Variants in AGTPBP1 observed in about 807,000 individuals in gnomAD.
AGTPBP1 encodes ATP/GTP binding carboxypeptidase 1.
Under a neutral mutation model 143.9 loss-of-function variants are expected in AGTPBP1, and 70 were observed. That is an observed-to-expected ratio of 0.49 (90% CI 0.40 to 0.59). The LOEUF (loss-of-function observed/expected upper bound fraction) is 0.59. Ranked by LOEUF, AGTPBP1 falls within the 20% of genes least tolerant of loss-of-function variation. The pLI, the probability that AGTPBP1 is intolerant of heterozygous loss-of-function variation, is 0.00. For synonymous variants in AGTPBP1, 463 were observed against 500.2 expected (o/e 0.93, Z 0.99); for missense variants, 1,229 against 1,464.5 (o/e 0.84, Z 2.62).
intron 11 of AGTPBP1, among the ~76,000 whole-genome samples, chr9:85,650,107 G>A (rs1337025675): frequency 7.2e-6 from 1 of 139,070 alleles, no homozygotes; most frequent in African/African-American, 2.7e-5. Flanking sequence ...TTGAAAGTTT[G>A]GGAGAACTAA....
chr9:85,779,317 A>T, the AGTPBP1 span, among the ~76,000 whole-genome samples: 2 of 151,548 alleles, frequency 1.3e-5, no homozygotes, highest in African/African-American at 4.9e-5. Flanking sequence ...AGGGGAGTTT[A>T]TTATTAACTT....
chr9:85,773,930 A>G, the AGTPBP1 span: 271 of 1,600,662 alleles, frequency 1.7e-4, no homozygotes, highest in Non-Finnish European at 2.3e-4. Context: ...TGGTTCGTGA[A>G]TTAGAATCTG....
chr9:85,628,615 G>A (rs1464470987), intron 14 of AGTPBP1, among the ~76,000 whole-genome samples: 1 of 152,200 alleles, frequency 6.6e-6, no homozygotes, highest in Non-Finnish European at 1.5e-5. Context: ...TGGATCACTC[G>A]ATTCTCAAAT....
At chr9:85,737,682 C>T (rs1823894682) in intron 1 of AGTPBP1, among the ~76,000 whole-genome samples, 1 of 152,186 alleles carries the variant, frequency 6.6e-6, no homozygotes, top group South Asian at 2.1e-4. Context: ...GTTACAATCT[C>T]AGGAATGAGT....
intron 11 of AGTPBP1, among the ~76,000 whole-genome samples, chr9:85,648,683 G>A (rs891202181): frequency 1.5e-4 from 23 of 152,218 alleles, no homozygotes; most frequent in African/African-American, 5.3e-4. Flanking sequence ...GTGGTGGCGG[G>A]CACGTGTAGT....
At chr9:85,681,026 A>G (rs918941172) in intron 4 of AGTPBP1, among the ~76,000 whole-genome samples, 8 of 152,334 alleles carry the variant, frequency 5.3e-5, no homozygotes, top group African/African-American at 1.7e-4. Flanking sequence ...ATATACTTCA[A>G]TAGTCACCTA....
intron 17 of AGTPBP1, among the ~76,000 whole-genome samples, chr9:85,601,759 C>T (rs1301258450): frequency 6.6e-6 from 1 of 152,230 alleles, no homozygotes; most frequent in Non-Finnish European, 1.5e-5. Context: ...TTTAGACCCA[C>T]TAACACCAGT....
intron 14 of AGTPBP1, among the ~76,000 whole-genome samples, chr9:85,630,353 A>G (rs1035708474): frequency 5.3e-5 from 8 of 151,272 alleles, no homozygotes; most frequent in African/African-American, 2.0e-4. Context: ...CCCAGGATCA[A>G]TTTACTTACT....
intron 3 of AGTPBP1, among the ~76,000 whole-genome samples, chr9:85,685,332 C>A (rs905280128): frequency 2.0e-5 from 3 of 150,892 alleles, no homozygotes; most frequent in Non-Finnish European, 4.4e-5. Context: ...AAGCAAAATC[C>A]AAAAAAATAA....
chr9:85,611,517 A>G (rs1290720803), intron 17 of AGTPBP1, among the ~76,000 whole-genome samples: 1 of 150,782 alleles, frequency 6.6e-6, no homozygotes, highest in African/African-American at 2.5e-5. Flanking sequence ...CTGTGTGCCA[A>G]GTAACATTGT....
At chr9:85,566,579 G>A (rs1338404781) in intron 25 of AGTPBP1, among the ~76,000 whole-genome samples, 1 of 148,794 alleles carries the variant, frequency 6.7e-6, no homozygotes, top group African/African-American at 2.5e-5. Context: ...ACACTTTCAG[G>A]TTCCTGTTAT....
At chr9:85,764,157 A>G in the AGTPBP1 span, among the ~76,000 whole-genome samples, 2 of 152,212 alleles carry the variant, frequency 1.3e-5, no homozygotes, top group Non-Finnish European at 2.9e-5. Flanking sequence ...AAACCTAGTC[A>G]AGGCAATTCT....
intron 1 of AGTPBP1, among the ~76,000 whole-genome samples, chr9:85,722,501 G>A (rs1838196261): frequency 6.6e-6 from 1 of 152,176 alleles, no homozygotes; most frequent in African/African-American, 2.4e-5. Flanking sequence ...AGGTTCTCGT[G>A]CTGTGGTTTT....
At chr9:85,643,115 GGTT>G (rs1253644491) in intron 12 of AGTPBP1, 172 bp from the exon 13 acceptor site, 4 of 567,530 alleles carry the variant, frequency 7.0e-6, no homozygotes, top group African/African-American at 3.8e-5. Flanking sequence ...ATTGTTTTGG[GGTT>G]GTTGTGTTAT....
At chr9:85,641,453 C>CT (rs148241036) in intron 13 of AGTPBP1, among the ~76,000 whole-genome samples, 24 of 149,532 alleles carry the variant, frequency 1.6e-4, no homozygotes, top group Non-Finnish European at 1.9e-4. Context: ...TTCCTGTCTT[C>CT]TTTTTTTTTT....
chr9:85,655,455 G>T, intron 10 of AGTPBP1, 135 bp from the exon 11 acceptor site: 1 of 750,142 alleles, frequency 1.3e-6, no homozygotes, highest in South Asian at 2.3e-5. Context: ...TTTTAACACA[G>T]AATAATTACA....
intron 10 of AGTPBP1, among the ~76,000 whole-genome samples, chr9:85,657,027 T>C (rs752788757): frequency 1.3e-5 from 2 of 151,490 alleles, no homozygotes; most frequent in Non-Finnish European, 2.9e-5. Flanking sequence ...CTGGGGACTG[T>C]TGTGGGGTGG....
intron 14 of AGTPBP1, among the ~76,000 whole-genome samples, chr9:85,622,564 C>G (rs1176369973): frequency 6.6e-6 from 1 of 151,932 alleles, no homozygotes; most frequent in African/African-American, 2.4e-5. Flanking sequence ...TAATCTTAAT[C>G]TACTAGTTAA....
At chr9:85,770,553 A>G in the AGTPBP1 span, 1 of 828,136 alleles carries the variant, frequency 1.2e-6, no homozygotes, top group African/African-American at 1.7e-5. Context: ...TACATCCTAT[A>G]TTTATTTTGA....
Sources: gnomAD v4.1 joint callset for allele counts (sites outside exome capture counted in the v4.1 genomes callset) on GRCh38, gnomAD v4.1.1 for gene constraint, MANE v1.5 for transcripts, NCBI Gene and HGNC (gene_info 2026-07-23, HGNC 2026-07-21) for gene names.